Variants in NFASC observed in about 807,000 individuals in gnomAD.
NFASC encodes neurofascin homolog.
In NFASC, 43 loss-of-function variants were observed where a neutral mutation model predicts 147.5. The ratio of observed to expected loss-of-function variants is 0.29; its 90% CI spans 0.23 to 0.38. The LOEUF is 0.38. NFASC is among the 10% of genes least tolerant of loss of function. The pLI is 1.00. For missense variants in NFASC, 1,320 were observed against 1,689.0 expected, an observed-to-expected ratio of 0.78 and a Z score of 3.83; for synonymous variants, 622 against 665.5, an observed-to-expected ratio of 0.93 and a Z score of 1.01.
chr1:204,975,166 A>G lies in NFASC; in HGVS notation c.1559-105A>G, dbSNP rs2095368094. ...TAGCATACTGTTTGTGCCCCACTCCATAGTTGGCCCAAGGCCTCGAGGGCA... is the reference window on the plus strand; with the variant it reads ...TAGCATACTGTTTGTGCCCCACTCCGTAGTTGGCCCAAGGCCTCGAGGGCA... On this transcript the variant is annotated intron_variant, in intron 14 of 29. Transcript: ENST00000339876. The surrounding 1 kb of genome is among the most constrained non-coding windows in gnomAD (Gnocchi z 4.0). The G allele has an allele frequency of 5.5e-6, 7 of 1,280,894 alleles. No homozygotes were observed. In the Admixed American group the frequency reaches 1.1e-4, roughly 21 times the overall value. The allele number at this position is 1,280,894 out of a possible 1,614,324, so 79.3% of individuals were successfully genotyped here.
intron 1 of NFASC, among the ~76,000 whole-genome samples, chr1:204,830,226 C>A (rs559907032): frequency 6.6e-6 from 1 of 152,312 alleles, no homozygotes; most frequent in East Asian, 1.9e-4. Flanking sequence ...GGCTTTGAGA[C>A]CTGGTTGGAC....
intron 1 of NFASC, among the ~76,000 whole-genome samples, chr1:204,858,762 A>G (rs2076391889): frequency 6.6e-6 from 1 of 152,072 alleles, no homozygotes; most frequent in Admixed American, 6.5e-5. Flanking sequence ...TGCTCCGTGT[A>G]GGAGCTCTGG....
intron 1 of NFASC, among the ~76,000 whole-genome samples, chr1:204,915,822 A>T (rs2089113981): frequency 6.6e-6 from 1 of 152,194 alleles, no homozygotes. Context: ...GAGAAAGTGT[A>T]AGAGATCCCG....
intron 7 of NFASC, among the ~76,000 whole-genome samples, chr1:204,955,393 T>C (rs1420838978): frequency 6.6e-6 from 1 of 152,220 alleles, no homozygotes; most frequent in Non-Finnish European, 1.5e-5. Context: ...GTTTTTCCAA[T>C]TGGCCAATTG....
chr1:204,883,176 G>A (rs1159092583), intron 1 of NFASC, among the ~76,000 whole-genome samples: 1 of 152,172 alleles, frequency 6.6e-6, no homozygotes, highest in Non-Finnish European at 1.5e-5. Context: ...TGGGAGCCCA[G>A]CTTATGTGAA....
intron 1 of NFASC, among the ~76,000 whole-genome samples, chr1:204,853,965 G>A (rs1350234156): frequency 6.6e-6 from 1 of 152,096 alleles, no homozygotes; most frequent in Non-Finnish European, 1.5e-5. Context: ...CTTCTTTTCT[G>A]CTCCTCCTTG....
Position 204,944,294 on chromosome 1 carries a change from G to A in NFASC, c.-22G>A, listed in dbSNP as rs201417276. 5.4e-4 allele frequency: 868 copies of A among 1,611,352 alleles called. No individual in the cohort carries two copies. The highest frequency in any genetic ancestry group is 6.9e-4 in the Non-Finnish European group (809 of 1,179,170). ...CAAGACCCCGAGTGCTGGGGAGCAGGGAGCAGGGCCAGGTGCCGAGGATGG... is the reference window on the plus strand; with the variant it reads ...CAAGACCCCGAGTGCTGGGGAGCAGAGAGCAGGGCCAGGTGCCGAGGATGG... On this transcript the variant is annotated 5_prime_UTR_variant, in exon 3 of 30. Coordinates refer to ENST00000339876, the MANE Select transcript of NFASC (RefSeq NM_001005388.3).
intron 1 of NFASC, among the ~76,000 whole-genome samples, chr1:204,909,133 ACATG>A (rs1271670716): frequency 6.6e-6 from 1 of 152,224 alleles, no homozygotes; most frequent in Non-Finnish European, 1.5e-5. Flanking sequence ...TAAGACAGTT[ACATG>A]TTTAGTTATT....
In NFASC at chr1:205,011,015, C is replaced by T. The variant is rs1173242741; in HGVS notation, c.3421+1327C>T. 10 of 152,014 alleles carry T rather than the reference C, an allele frequency of 6.6e-5. No individual in the cohort carries two copies. The East Asian group carries it at 1.9e-3, about 29-fold the overall frequency. The allele number at this position is 152,014 out of a possible 1,614,324, so 9.4% of individuals were successfully genotyped here. On this transcript the variant is annotated intron_variant, in intron 28 of 29. Coordinates refer to ENST00000339876, the MANE Select transcript of NFASC (RefSeq NM_001005388.3). ...ATATTGACTGTTTTTTACACAGGAG[C>T]AAGAGAGCCATCTGTCTGTGATGGG...
At chr1:204,940,721 T>G (rs1004574306) in intron 2 of NFASC, among the ~76,000 whole-genome samples, 1 of 152,222 alleles carries the variant, frequency 6.6e-6, no homozygotes. Context: ...TTGTGCATGG[T>G]TCTTTCACCG....
chr1:204,948,726 C>T (rs2093941064), intron 3 of NFASC: 1 of 518,768 alleles, frequency 1.9e-6, no homozygotes, highest in Admixed American at 1.9e-5. Context: ...ATGTCTAGGG[C>T]TCTTTCCATT....
chr1:204,904,769 C>G (rs762006704), intron 1 of NFASC, among the ~76,000 whole-genome samples: 1 of 152,150 alleles, frequency 6.6e-6, no homozygotes, highest in Non-Finnish European at 1.5e-5. Context: ...GTGCACAGCA[C>G]TGGGTTAATC....
intron 1 of NFASC, among the ~76,000 whole-genome samples, chr1:204,915,599 A>G (rs1200138688): frequency 6.6e-6 from 1 of 152,182 alleles, no homozygotes; most frequent in African/African-American, 2.4e-5. Flanking sequence ...TGAGTTTCAT[A>G]TCACGTGAAG....
chr1:204,955,887 C>A (rs577471848), intron 7 of NFASC, among the ~76,000 whole-genome samples: 1 of 152,254 alleles, frequency 6.6e-6, no homozygotes, highest in East Asian at 1.9e-4. Flanking sequence ...AAGAGGCTGC[C>A]CTGTTGATGA....
chr1:205,009,349 C>G (rs1406271480), intron 27 of NFASC: 1 of 717,714 alleles, frequency 1.4e-6, no homozygotes, highest in Non-Finnish European at 2.5e-6. Flanking sequence ...TTTCCTTTGC[C>G]TCTTTTCTGA....
At chr1:204,934,657 C>A (rs1413572543) in intron 2 of NFASC, among the ~76,000 whole-genome samples, 1 of 152,184 alleles carries the variant, frequency 6.6e-6, no homozygotes, top group Admixed American at 6.5e-5. Context: ...GGGTCTTTTT[C>A]AGAAGAGAGG....
intron 27 of NFASC, among the ~76,000 whole-genome samples, chr1:205,005,039 CAGAT>C (rs1386201111): frequency 6.6e-6 from 1 of 152,160 alleles, no homozygotes; most frequent in Non-Finnish European, 1.5e-5. Flanking sequence ...GGCCAGCAGT[CAGAT>C]AGCAGCCTGC....
At chr1:204,974,132 G>T in intron 12 of NFASC, 47 bp from the exon 13 acceptor site, 1 of 1,481,212 alleles carries the variant, frequency 6.8e-7, no homozygotes, top group Non-Finnish European at 9.3e-7. Flanking sequence ...GGAAGAGATG[G>T]AAGAGTTTAG....
In NFASC at chr1:205,015,624, G is replaced by T. The variant is rs1022033386; in HGVS notation, c.3492-684G>T. Among the ~76,000 whole-genome samples the T allele has an allele frequency of 6.6e-6, 1 of 152,266 alleles. No individual in the cohort carries two copies. ...GGCTGGGCATGATCCTCTGAGCCTT[G>T]CTGTCTTCTCACGTTTGCTGGCATC... is the stretch of plus-strand genomic sequence containing the variant. On this transcript the variant is annotated intron_variant, in intron 29 of 29. Transcript: ENST00000339876. This position sits in a 1 kb window ranked among gnomAD's most constrained non-coding sequence, Gnocchi z 4.0.
Sources: gnomAD v4.1 joint callset for allele counts (sites outside exome capture counted in the v4.1 genomes callset) on GRCh38, gnomAD v4.1.1 for gene constraint, Gnocchi (gnomAD v3.1) non-coding constraint, MANE v1.5 for transcripts, NCBI Gene and HGNC (gene_info 2026-07-23, HGNC 2026-07-21) for gene names.